DERA: variants seen among roughly 807,000 people sequenced by gnomAD.
DERA encodes deoxyribose-phosphate aldolase.
In DERA, 15 loss-of-function variants were observed where a neutral mutation model predicts 41.1. That is an observed-to-expected ratio of 0.37 (90% CI 0.24 to 0.56). DERA has a LOEUF of 0.56. DERA is among the 20% of genes least tolerant of loss of function. The pLI, the probability that DERA is intolerant of heterozygous loss-of-function variation, is 0.81. For synonymous variants in DERA, 139 were observed against 137.4 expected (o/e 1.01, Z -0.08); for missense variants, 396 against 403.4 (o/e 0.98, Z 0.16).
intron 6 of DERA, among the ~76,000 whole-genome samples, chr12:16,027,149 T>C (rs1949058814): frequency 6.6e-6 from 1 of 152,166 alleles, no homozygotes; most frequent in Non-Finnish European, 1.5e-5. Flanking sequence ...TTCAACTTAA[T>C]AAAGAACATC....
Position 15,994,558 on chromosome 12 carries a change from A to G in DERA, c.637+12122A>G, listed in dbSNP as rs561710398. Among the ~76,000 whole-genome samples the G allele has an allele frequency of 1.3e-5, 2 of 152,168 alleles. No homozygotes were observed. Among genetic ancestry groups the G allele is most frequent in the Non-Finnish European group, 2.9e-5 (2 of 68,030 alleles). On this transcript the variant is annotated intron_variant, in intron 6 of 8. Coordinates refer to ENST00000428559, the MANE Select transcript of DERA (RefSeq NM_015954.4). This position sits in a 1 kb window ranked among gnomAD's most constrained non-coding sequence, Gnocchi z 4.8. ...AAGCTCTGCCTCCCGGGTTCACGCC[A>G]TTCTCCTGCCTCAGCCTCCTGAATA...
chr12:15,959,718 ATT>A lies in DERA; in HGVS notation c.278-105_278-104del. On this transcript the variant is annotated intron_variant, in intron 3 of 8. Transcript: ENST00000428559. The surrounding 1 kb of genome is among the most constrained non-coding windows in gnomAD (Gnocchi z 4.5). Reference sequence around the variant, plus strand: ...TTTATTGCAGTATTGTGGGGGAATTATTTTTTTCTCATTTGATTTTTGCCAGT... The same window carrying A: ...TTTATTGCAGTATTGTGGGGGAATTATTTTTCTCATTTGATTTTTGCCAGT... 1 of 653,158 alleles carries A rather than the reference ATT, an allele frequency of 1.5e-6. No individual in the cohort carries two copies. The highest frequency in any genetic ancestry group is 2.6e-6 in the Non-Finnish European group (1 of 382,534). The allele number at this position is 653,158 out of a possible 1,614,324, so 40.5% of individuals were successfully genotyped here. A position where few individuals can be genotyped will look rare whatever the true frequency, so the allele number is the denominator to read the frequency against.
At position 16,036,471 on chromosome 12, in the gene DERA, C is replaced by G; in HGVS notation, c.900+90C>G. 2 of 1,419,594 alleles carry G rather than the reference C, an allele frequency of 1.4e-6. No homozygotes were observed. The highest frequency in any genetic ancestry group is 4.4e-5 in the Admixed American group (2 of 45,872). 87.9% of individuals were successfully genotyped at this position (1,419,594 alleles called of 1,614,324 possible). ...TCAAATTGAGAACTGGAGATAAAAA[C>G]TCATCTGATTGACCTCATCCTACCC... On this transcript the variant is annotated intron_variant, in intron 8 of 8. Coordinates refer to ENST00000428559, the MANE Select transcript of DERA (RefSeq NM_015954.4). The surrounding 1 kb of genome is among the most constrained non-coding windows in gnomAD (Gnocchi z 4.9).
In DERA at chr12:16,011,384, A is replaced by G. The variant is rs1948945520; in HGVS notation, c.638-21158A>G. The stretch of plus-strand genomic sequence containing the variant: ...TTTTCAGATTTCGGAATATTTGCAT[A>G]TGCTTACCCTAACCTGGTTGAGCAT... On this transcript the variant is annotated intron_variant, in intron 6 of 8. Coordinates refer to ENST00000428559, the MANE Select transcript of DERA (RefSeq NM_015954.4). The surrounding 1 kb of genome is among the most constrained non-coding windows in gnomAD (Gnocchi z 4.7). Among the ~76,000 whole-genome samples, 3 of 152,216 alleles carry G rather than the reference A, an allele frequency of 2.0e-5. No individual in the cohort carries two copies. Among genetic ancestry groups the G allele is most frequent in the African/African-American group, 4.8e-5 (2 of 41,446 alleles).
Position 15,918,319 on chromosome 12 carries a change from C to T in DERA, c.31+6905C>T, listed in dbSNP as rs1224036880. ...TCGCCTCCCTCTGCAGGTGGATACC[C>T]TCCTTACCCTGCTTGCGCTTCCACT... On this transcript the variant is annotated intron_variant, in intron 1 of 8. Coordinates refer to ENST00000428559, the MANE Select transcript of DERA (RefSeq NM_015954.4). This position sits in a 1 kb window ranked among gnomAD's most constrained non-coding sequence, Gnocchi z 4.3. Among the ~76,000 whole-genome samples, 2 of 152,178 alleles carry T rather than the reference C, an allele frequency of 1.3e-5. No homozygotes were observed. Among genetic ancestry groups the T allele is most frequent in the African/African-American group, 4.8e-5 (2 of 41,442 alleles).
chr12:16,015,297 A>G (rs1416467235), intron 6 of DERA, among the ~76,000 whole-genome samples: 1 of 152,204 alleles, frequency 6.6e-6, no homozygotes, highest in African/African-American at 2.4e-5. Context: ...TGTAATCCCC[A>G]TAATTCCCAC....
At chr12:15,991,649 CAAT>C (rs746318127) in intron 6 of DERA, among the ~76,000 whole-genome samples, 17 of 152,058 alleles carry the variant, frequency 1.1e-4, no homozygotes, top group Admixed American at 5.2e-4. Flanking sequence ...CATACAACAA[CAAT>C]GTCATAATAG....
intron 1 of DERA, among the ~76,000 whole-genome samples, chr12:15,955,942 A>G (rs976113750): frequency 1.9e-4 from 29 of 152,220 alleles, no homozygotes; most frequent in African/African-American, 7.0e-4. Flanking sequence ...CTGGAGAGAT[A>G]TAGAAGTGAG....
In DERA at chr12:15,965,121, T is replaced by G. The variant is rs1342258363; in HGVS notation, c.508+2174T>G. Among the ~76,000 whole-genome samples, 1 of 152,244 alleles carries G rather than the reference T, an allele frequency of 6.6e-6. No individual in the cohort carries two copies. Among genetic ancestry groups the G allele is most frequent in the Non-Finnish European group, 1.5e-5 (1 of 68,038 alleles). On this transcript the variant is annotated intron_variant, in intron 5 of 8. Coordinates refer to ENST00000428559, the MANE Select transcript of DERA (RefSeq NM_015954.4). This position sits in a 1 kb window ranked among gnomAD's most constrained non-coding sequence, Gnocchi z 4.1. ...TTCTCAATTTGATTACATATTGTAT[T>G]TTTCAGTGTCATGTTTTAATATTAG...
intron 5 of DERA, among the ~76,000 whole-genome samples, chr12:15,980,894 A>T (rs536129943): frequency 8.8e-4 from 134 of 152,296 alleles, no homozygotes; most frequent in Middle Eastern, 6.8e-3. Context: ...TTTGGCTGTT[A>T]TAACTTGTGG....
chr12:15,937,851 C>T, intron 1 of DERA, among the ~76,000 whole-genome samples: 1 of 152,188 alleles, frequency 6.6e-6, no homozygotes, highest in Non-Finnish European at 1.5e-5. Flanking sequence ...AAATTACCAG[C>T]TCCCTTTTTC....
intron 5 of DERA, among the ~76,000 whole-genome samples, chr12:15,969,400 T>G (rs1345813348): frequency 6.6e-6 from 1 of 152,216 alleles, no homozygotes; most frequent in African/African-American, 2.4e-5. Context: ...CTGGCTTTAC[T>G]AGCTTTGGGA....
intron 1 of DERA, among the ~76,000 whole-genome samples, chr12:15,932,813 G>T (rs572717772): frequency 6.6e-6 from 1 of 152,064 alleles, no homozygotes; most frequent in Non-Finnish European, 1.5e-5. Context: ...TCTTCTAACC[G>T]AAATTTTTGT....
chr12:16,024,913 A>C (rs1949043220), intron 6 of DERA, among the ~76,000 whole-genome samples: 1 of 152,190 alleles, frequency 6.6e-6, no homozygotes, highest in South Asian at 2.1e-4. Flanking sequence ...GAAATGAATG[A>C]CAGCAGTGTT....
At chr12:15,933,114 G>A (rs1203983675) in intron 1 of DERA, among the ~76,000 whole-genome samples, 1 of 152,212 alleles carries the variant, frequency 6.6e-6, no homozygotes, top group African/African-American at 2.4e-5. Flanking sequence ...ATGGTGAATA[G>A]TGCTGCAGTG....
chr12:16,024,210 G>A (rs980060073), intron 6 of DERA, among the ~76,000 whole-genome samples: 3 of 152,296 alleles, frequency 2.0e-5, no homozygotes, highest in Admixed American at 2.0e-4. Flanking sequence ...ACTAGAAGAC[G>A]AAAGAAAATA....
intron 1 of DERA, among the ~76,000 whole-genome samples, chr12:15,949,967 C>T (rs1408472879): frequency 6.6e-6 from 1 of 152,166 alleles, no homozygotes; most frequent in Non-Finnish European, 1.5e-5. Context: ...CCTTGTCACC[C>T]TCTCTTCCAT....
chr12:15,987,926 C>T lies in DERA; in HGVS notation c.637+5490C>T, dbSNP rs549016513. On this transcript the variant is annotated intron_variant, in intron 6 of 8. Coordinates refer to ENST00000428559, the MANE Select transcript of DERA (RefSeq NM_015954.4). ...CAAGGGATGTGTGAGTGAGTGCACG[C>T]GGGGTCCAGCCACTGTGCACAGCCA... 1.1e-3 allele frequency among the ~76,000 whole-genome samples: 161 copies of T among 152,236 alleles called. 1 individual carries two copies. Among genetic ancestry groups the T allele is most frequent in the African/African-American group, 3.5e-3 (144 of 41,546 alleles).
intron 6 of DERA, among the ~76,000 whole-genome samples, chr12:16,025,799 T>C (rs1592056431): frequency 6.6e-6 from 1 of 152,066 alleles, no homozygotes; most frequent in African/African-American, 2.4e-5. Context: ...CACATTCTGG[T>C]CCATAAAACA....
Sources: gnomAD v4.1 joint callset for allele counts (sites outside exome capture counted in the v4.1 genomes callset) on GRCh38, gnomAD v4.1.1 for gene constraint, Gnocchi (gnomAD v3.1) non-coding constraint, MANE v1.5 for transcripts, NCBI Gene and HGNC (gene_info 2026-07-23, HGNC 2026-07-21) for gene names.